TRIO: variants seen among roughly 807,000 people sequenced by gnomAD.
TRIO encodes trio Rho guanine nucleotide exchange factor.
A neutral mutation model predicts 351.9 loss-of-function variants in TRIO; 58 were observed. The observed-to-expected ratio is 0.16, with a 90% CI of 0.13 to 0.21. The LOEUF is 0.21. Among genes scored for constraint, TRIO ranks in the 10% least tolerant of loss-of-function variants. The pLI, the probability that TRIO is intolerant of heterozygous loss-of-function variation, is 1.00. For missense variants in TRIO, 3,201 were observed against 4,027.8 expected (o/e 0.79, Z 5.56); for synonymous variants, 1,758 against 1,595.7 (o/e 1.10, Z -2.42).
At chr5:14,263,170 C>T (rs1316186649) in intron 1 of TRIO, among the ~76,000 whole-genome samples, 1 of 152,160 alleles carries the variant, frequency 6.6e-6, no homozygotes, top group Non-Finnish European at 1.5e-5. Flanking sequence ...AATATCTGTA[C>T]CACAGAACTG....
intron 1 of TRIO, among the ~76,000 whole-genome samples, chr5:14,238,463 C>T (rs1012151917): frequency 1.3e-5 from 2 of 152,212 alleles, no homozygotes; most frequent in Non-Finnish European, 2.9e-5. Flanking sequence ...CTCCAGGGCT[C>T]CACCAGCCCA....
At chr5:14,216,181 A>G (rs546343293) in intron 1 of TRIO, among the ~76,000 whole-genome samples, 9 of 152,348 alleles carry the variant, frequency 5.9e-5, no homozygotes, top group African/African-American at 2.2e-4. Context: ...AAGCCTGCAC[A>G]GACGTCTTTC....
intron 1 of TRIO, among the ~76,000 whole-genome samples, chr5:14,180,100 CA>C (rs70964542): frequency 0.07 from 1,915 of 27,502 alleles, 10 homozygotes; most frequent in African/African-American, 0.15. Flanking sequence ...GACTCCTGCT[CA>C]AAAAAAAAAA....
chr5:14,456,358 G>A (rs1051524775), intron 34 of TRIO, among the ~76,000 whole-genome samples: 1 of 152,258 alleles, frequency 6.6e-6, no homozygotes, highest in Non-Finnish European at 1.5e-5. Flanking sequence ...CTCAAGCGTG[G>A]CCAGAGCAGA....
intron 15 of TRIO, 102 bp from the exon 16 acceptor site, chr5:14,366,758 A>AG: frequency 6.6e-7 from 1 of 1,525,666 alleles, no homozygotes; most frequent in Non-Finnish European, 8.9e-7. Context: ...CGTACCTGCC[A>AG]GGAGCAACTG....
intron 1 of TRIO, among the ~76,000 whole-genome samples, chr5:14,202,293 G>GTTTTTTTTTTT (rs1561196197): frequency 2.9e-5 from 1 of 34,348 alleles, no homozygotes; most frequent in African/African-American, 1.0e-4. Flanking sequence ...ATATTTTTGT[G>GTTTTTTTTTTT]ATTTTTTTTT....
rs540257773 is a variant in TRIO, at chr5:14,282,511, AATTG to A, written c.347+2078_347+2081del. On this transcript the variant is annotated intron_variant, in intron 3 of 56. Coordinates refer to ENST00000344204, the MANE Select transcript of TRIO (RefSeq NM_007118.4). ...AGTAAATATTAAAAATTATTCATTT[AATTG>A]ATATAGAAATTGGTTCAAGCACATT... is the stretch of plus-strand genomic sequence containing the variant. Among the ~76,000 whole-genome samples, 1,342 of 152,294 alleles carry A rather than the reference AATTG, an allele frequency of 8.8e-3. 14 individuals are homozygous for A. The highest frequency in any genetic ancestry group is 0.031 in the African/African-American group (1,273 of 41,560).
chr5:14,334,264 G>A (rs956704196), intron 10 of TRIO, among the ~76,000 whole-genome samples: 6 of 152,206 alleles, frequency 3.9e-5, no homozygotes, highest in African/African-American at 9.6e-5. Flanking sequence ...GAAGGACCCA[G>A]GGAAGGTCTC....
chr5:14,437,380 ATGT>A (rs931719070), intron 34 of TRIO, among the ~76,000 whole-genome samples: 25 of 152,242 alleles, frequency 1.6e-4, no homozygotes, highest in African/African-American at 5.5e-4. Context: ...CCTCGGGGTG[ATGT>A]TGTTCAGCTG....
At chr5:14,374,105 A>G in intron 18 of TRIO, 124 bp from the exon 19 acceptor site, 1 of 633,380 alleles carries the variant, frequency 1.6e-6, no homozygotes, top group African/African-American at 1.9e-5. Flanking sequence ...TGCATTTTCT[A>G]AACCAGCAGG....
At chr5:14,337,968 T>C (rs145160845) in intron 11 of TRIO, among the ~76,000 whole-genome samples, 1 of 152,306 alleles carries the variant, frequency 6.6e-6, no homozygotes, top group African/African-American at 2.4e-5. Context: ...GCTAACTTCT[T>C]TTCCTGCTCC....
At chr5:14,369,233 T>C (rs2152344237) in intron 17 of TRIO, 141 bp from the exon 18 acceptor site, 1 of 1,217,824 alleles carries the variant, frequency 8.2e-7, no homozygotes, top group African/African-American at 1.5e-5. Context: ...TCCAGCCAGG[T>C]GGAGCCCATG....
intron 11 of TRIO, among the ~76,000 whole-genome samples, chr5:14,339,716 C>T (rs982008683): frequency 2.6e-5 from 4 of 152,126 alleles, no homozygotes; most frequent in Non-Finnish European, 4.4e-5. Context: ...GAATGCTGCC[C>T]GTTTCTTCAG....
intron 11 of TRIO, among the ~76,000 whole-genome samples, chr5:14,341,135 G>T (rs1373051743): frequency 1.3e-5 from 2 of 152,160 alleles, no homozygotes; most frequent in Non-Finnish European, 2.9e-5. Flanking sequence ...TCCACTCTTA[G>T]TCCCCCTGCA....
chr5:14,388,024 C>G, intron 23 of TRIO, 177 bp downstream of exon 23: 1 of 599,616 alleles, frequency 1.7e-6, no homozygotes, highest in Non-Finnish European at 2.9e-6. Context: ...CTCTTATCAC[C>G]TGGTTCAGAA....
chr5:14,487,193 A>G (rs1755978161), intron 47 of TRIO, among the ~76,000 whole-genome samples: 2 of 152,238 alleles, frequency 1.3e-5, no homozygotes, highest in South Asian at 4.1e-4. Flanking sequence ...AGTTCTAGTC[A>G]AATCTGTTGC....
intron 34 of TRIO, among the ~76,000 whole-genome samples, chr5:14,445,296 AT>A (rs1752357900): frequency 1.3e-5 from 2 of 152,180 alleles, no homozygotes; most frequent in African/African-American, 4.8e-5. Flanking sequence ...CAATTCTCAT[AT>A]AAAACCATAC....
intron 3 of TRIO, among the ~76,000 whole-genome samples, chr5:14,284,156 T>C (rs1458527157): frequency 6.6e-6 from 1 of 152,214 alleles, no homozygotes; most frequent in Non-Finnish European, 1.5e-5. Context: ...AGAGTTTCTC[T>C]TTTTTAGGGA....
intron 4 of TRIO, among the ~76,000 whole-genome samples, 168 bp from the exon 5 acceptor site, chr5:14,290,548 T>G (rs1202223763): frequency 6.6e-6 from 1 of 152,262 alleles, no homozygotes; most frequent in Non-Finnish European, 1.5e-5. Flanking sequence ...CTGATAATGC[T>G]TCTTTCATCT....
Sources: gnomAD v4.1 joint callset for allele counts (sites outside exome capture counted in the v4.1 genomes callset) on GRCh38, gnomAD v4.1.1 for gene constraint, MANE v1.5 for transcripts, NCBI Gene and HGNC (gene_info 2026-07-23, HGNC 2026-07-21) for gene names.